LDHC: variants seen among roughly 807,000 people sequenced by gnomAD.
The protein encoded by LDHC is L-lactate dehydrogenase C chain.
LDHC carries 20 observed loss-of-function variants against 30.2 expected under a neutral mutation model. The observed-to-expected ratio is 0.66, with a 90% CI of 0.47 to 0.96. LDHC has a LOEUF of 0.96. Among genes scored for constraint, LDHC ranks in the 40% least tolerant of loss-of-function variants. LDHC has a pLI of 0.00. For missense variants in LDHC, 362 were observed against 394.9 expected (o/e 0.92, Z 0.71); for synonymous variants, 139 against 132.7 (o/e 1.05, Z -0.32).
In LDHC at chr11:18,429,765, A is replaced by G. The variant is rs758222573; in HGVS notation, c.273A>G (p.Ile91Met). Residue 91 changes from isoleucine to methionine, a missense_variant, in exon 4 of 8, where the codon ATA becomes ATG. Ile to Met is a conservative substitution (Grantham distance 10). Transcript: ENST00000541669. ...KDYSVSANSR[I>M]VIVTAGARQQ... ...ACAGTGTATCTGCAAACTCCAGAATAGTTATTGTCACAGCAGGTGCAAGGC... is the reference window on the plus strand; with the variant it reads ...ACAGTGTATCTGCAAACTCCAGAATGGTTATTGTCACAGCAGGTGCAAGGC... 1 of 1,610,318 alleles carries G rather than the reference A, an allele frequency of 6.2e-7. No homozygotes were observed. Among genetic ancestry groups the G allele is most frequent in the Non-Finnish European group, 8.5e-7 (1 of 1,177,462 alleles).
intron 5 of LDHC, 125 bp downstream of exon 5, chr11:18,435,038 G>C (rs1258683606): frequency 1.8e-6 from 1 of 558,854 alleles, no homozygotes; most frequent in Non-Finnish European, 3.0e-6. Context: ...GTATTTCCCT[G>C]GTGTAACTTT....
chr11:18,437,431 T>C (rs1290855224), intron 5 of LDHC, among the ~76,000 whole-genome samples: 1 of 152,224 alleles, frequency 6.6e-6, no homozygotes, highest in Non-Finnish European at 1.5e-5. Context: ...GGTGGTGTTT[T>C]AGGCCATTTT....
At chr11:18,447,412 G>T (rs1848573273) in intron 7 of LDHC, among the ~76,000 whole-genome samples, 1 of 152,156 alleles carries the variant, frequency 6.6e-6, no homozygotes, top group Non-Finnish European at 1.5e-5. Flanking sequence ...TGGGATTACA[G>T]GCGTGAGCCA....
At position 18,451,963 on chromosome 11, in the gene LDHC, C is replaced by T. The variant is rs1015775161; in HGVS notation, c.*836C>T. 4 of 144,710 alleles carry T rather than the reference C, an allele frequency of 2.8e-5. No homozygotes were observed. The highest frequency in any genetic ancestry group is 1.1e-4 in the African/African-American group (4 of 36,376). The allele number at this position is 144,710 out of a possible 1,614,324, so 9.0% of individuals were successfully genotyped here. ...GAAGAAGAAGAACACAGAAGAAAAG[C>T]AGAAACAAGAAGAAGATACAGATGT... On this transcript the variant is annotated 3_prime_UTR_variant, in exon 8 of 8. Transcript: ENST00000541669.
At chr11:18,434,082 T>A (rs1427399790) in intron 4 of LDHC, among the ~76,000 whole-genome samples, 1 of 152,156 alleles carries the variant, frequency 6.6e-6, no homozygotes, top group Admixed American at 6.6e-5. Flanking sequence ...TTCTTCTACT[T>A]GTTCAGTTCT....
At chr11:18,415,690 TTTTA>T (rs1197453837) in intron 3 of LDHC, among the ~76,000 whole-genome samples, 1 of 150,800 alleles carries the variant, frequency 6.6e-6, no homozygotes, top group Admixed American at 6.6e-5. Flanking sequence ...TATAGTTTAT[TTTTA>T]TTTATTTATT....
At chr11:18,421,882 G>C (rs1348510042) in intron 3 of LDHC, among the ~76,000 whole-genome samples, 3 of 152,068 alleles carry the variant, frequency 2.0e-5, no homozygotes, top group East Asian at 3.9e-4. Flanking sequence ...TCAGCACTTT[G>C]GGAGGCCAAC....
chr11:18,414,711 CCA>C (rs1866974194), intron 2 of LDHC, among the ~76,000 whole-genome samples: 1 of 152,028 alleles, frequency 6.6e-6, no homozygotes. Context: ...GCCTGTAATC[CCA>C]GCTACTCGGG....
chr11:18,451,044 A>G lies in LDHC; in HGVS notation c.916A>G (p.Ile306Val). 6.3e-7 allele frequency: 1 copy of G among 1,593,574 alleles called. No homozygotes were observed. The highest frequency in any genetic ancestry group is 1.2e-5 in the South Asian group (1 of 86,486). The change falls in exon 8 of 8, where the codon ATT (isoleucine) becomes GTT (valine). Residue 306 changes from isoleucine (I) to valine (V), a missense_variant. Transcript: ENST00000541669. ...GAATGGTGTCTCAGATGTTGTGAAAATTAACTTGAATTCTGAGGAGGAGGC... is the reference window on the plus strand; with the variant it reads ...GAATGGTGTCTCAGATGTTGTGAAAGTTAACTTGAATTCTGAGGAGGAGGC... ...GRNGVSDVVK[I>V]NLNSEEEALF...
At chr11:18,448,048 CAA>C (rs1218910663) in intron 7 of LDHC, among the ~76,000 whole-genome samples, 1,241 of 76,458 alleles carry the variant, frequency 0.016, 13 homozygotes, top group African/African-American at 0.051. Flanking sequence ...GACTCTGTCT[CAA>C]AAAAAAAAAA....
intron 4 of LDHC, 49 bp from the exon 5 acceptor site, chr11:18,434,691 T>A: frequency 7.9e-7 from 1 of 1,263,482 alleles, no homozygotes; most frequent in South Asian, 1.3e-5. Flanking sequence ...AAAAAAAATT[T>A]TTTTAAGTTA....
intron 7 of LDHC, among the ~76,000 whole-genome samples, chr11:18,447,134 ATTTTT>A (rs1316943953): frequency 7.2e-6 from 1 of 138,874 alleles, no homozygotes. Context: ...TGACTTCTCT[ATTTTT>A]TTTTTTTTTT....
At chr11:18,420,568 G>A (rs1223413639) in intron 3 of LDHC, among the ~76,000 whole-genome samples, 1 of 150,104 alleles carries the variant, frequency 6.7e-6, no homozygotes, top group African/African-American at 2.5e-5. Flanking sequence ...GGACAAAGCT[G>A]GGCCTGGTAG....
chr11:18,432,899 T>C (rs1271310450), intron 4 of LDHC, among the ~76,000 whole-genome samples: 1 of 152,240 alleles, frequency 6.6e-6, no homozygotes, highest in Non-Finnish European at 1.5e-5. Flanking sequence ...TTAGTTCTTA[T>C]CCATTCTGCA....
intron 3 of LDHC, among the ~76,000 whole-genome samples, chr11:18,426,246 A>G (rs1848160555): frequency 2.0e-5 from 3 of 151,222 alleles, no homozygotes; most frequent in African/African-American, 7.3e-5. Flanking sequence ...ATATTTATGG[A>G]CCAGGTGTGG....
chr11:18,429,116 C>G lies in LDHC; in HGVS notation c.245-621C>G, dbSNP rs1286055664. The stretch of plus-strand genomic sequence containing the variant: ...GAGTTCTAAGTCTATTCATTTTGGT[C>G]TTTTTTTTTTTTTTTTTTTTTTTGA... On this transcript the variant is annotated intron_variant, in intron 3 of 7. Coordinates refer to ENST00000541669, the MANE Select transcript of LDHC (RefSeq NM_017448.5). Among the ~76,000 whole-genome samples the G allele has an allele frequency of 2.2e-4, 21 of 93,916 alleles. No homozygotes were observed. In the South Asian group the frequency reaches 8.8e-3, roughly 39 times the overall value. The allele number at this position is 93,916 out of a possible 152,430, so 61.6% of individuals were successfully genotyped here.
chr11:18,441,422 C>T (rs1054209540), intron 6 of LDHC, among the ~76,000 whole-genome samples: 9 of 151,746 alleles, frequency 5.9e-5, no homozygotes, highest in Admixed American at 2.0e-4. Flanking sequence ...AATTCTCCTG[C>T]CTCAGCCTCC....
Position 18,446,217 on chromosome 11 carries a change from G to A in LDHC, c.718G>A (p.Glu240Lys), listed in dbSNP as rs1848551734. The stretch of plus-strand genomic sequence containing the variant: ...TACTTTCTACAACTGTAGTGCCTAT[G>A]AAATTATCAAGCTGAAGGGGTATAC... ...IHKQVIQSAY[E>K]IIKLKGYTSW... is the part of the protein sequence containing the mutation. The change falls in exon 7 of 8, where the codon GAA (glutamate) becomes AAA (lysine). Residue 240 changes from glutamate to lysine, a missense_variant. Glu to Lys is a moderately conservative substitution (Grantham distance 56). Coordinates refer to ENST00000541669, the MANE Select transcript of LDHC (RefSeq NM_017448.5). 4 of 1,601,538 alleles carry A rather than the reference G, an allele frequency of 2.5e-6. No homozygotes were observed. Among genetic ancestry groups the A allele is most frequent in the Non-Finnish European group, 2.6e-6 (3 of 1,168,834 alleles).
At chr11:18,412,551 G>T (rs1866910900) in intron 1 of LDHC, 143 bp downstream of exon 1, 1 of 617,492 alleles carries the variant, frequency 1.6e-6, no homozygotes, top group Non-Finnish European at 2.7e-6. Context: ...CCATTGCCTG[G>T]TAGACTGGGC....
Sources: allele counts gnomAD v4.1 joint callset (sites outside exome capture counted in the v4.1 genomes callset), GRCh38; gene constraint gnomAD v4.1.1; transcripts MANE v1.5; gene names NCBI Gene and HGNC (gene_info 2026-07-23, HGNC 2026-07-21).